Variants in SLC10A7 observed in about 807,000 individuals in gnomAD.
SLC10A7 encodes the protein sodium/bile acid cotransporter 7.
Under a neutral mutation model 43.2 loss-of-function variants are expected in SLC10A7, and 29 were observed. The observed-to-expected ratio is 0.67, with a 90% CI of 0.50 to 0.92. SLC10A7 has a LOEUF of 0.92. Among genes scored for constraint, SLC10A7 ranks in the 40% least tolerant of loss-of-function variants. The pLI, the probability that SLC10A7 is intolerant of heterozygous loss-of-function variation, is 0.00. For synonymous variants in SLC10A7, 152 were observed against 144.8 expected (o/e 1.05, Z -0.35); for missense variants, 295 against 403.2 (o/e 0.73, Z 2.30).
chr4:146,302,260 G>A (rs1731211504), intron 7 of SLC10A7, among the ~76,000 whole-genome samples: 1 of 152,166 alleles, frequency 6.6e-6, no homozygotes, highest in Non-Finnish European at 1.5e-5. Flanking sequence ...ACTGTGTGGA[G>A]ATGAGAAGTA....
At chr4:146,423,688 TAAAGGAATA>T (rs1217373497) in intron 5 of SLC10A7, among the ~76,000 whole-genome samples, 1 of 152,226 alleles carries the variant, frequency 6.6e-6, no homozygotes, top group African/African-American at 2.4e-5. Flanking sequence ...TCAATAGCCC[TAAAGGAATA>T]AATGAGAAAA....
intron 4 of SLC10A7, among the ~76,000 whole-genome samples, chr4:146,448,078 G>A (rs529340048): frequency 2.0e-5 from 3 of 151,996 alleles, no homozygotes; most frequent in Non-Finnish European, 4.4e-5. Flanking sequence ...GGGGTGGGGG[G>A]AGCGGTGAGG....
At chr4:146,413,212 A>C (rs1404077066) in intron 5 of SLC10A7, among the ~76,000 whole-genome samples, 2 of 152,136 alleles carry the variant, frequency 1.3e-5, no homozygotes, top group African/African-American at 2.4e-5. Context: ...CAAAGATGAT[A>C]CCTTTAAGAT....
rs867592203 is a variant in SLC10A7, at chr4:146,351,642, C to T, written c.436-25646G>A. 4.6e-3 allele frequency among the ~76,000 whole-genome samples: 700 copies of T among 152,116 alleles called. 5 individuals carry two copies. The highest frequency in any genetic ancestry group is 0.016 in the African/African-American group (675 of 41,446). On this transcript the variant is annotated intron_variant, in intron 5 of 11. Transcript: ENST00000335472. Reference sequence around the variant, plus strand: ...GTTAAGGGCAGCCAGAGAGGAAGGTCGGGTTACCCTCAAAGGGAAGCCCAT... The same window carrying T: ...GTTAAGGGCAGCCAGAGAGGAAGGTTGGGTTACCCTCAAAGGGAAGCCCAT...
chr4:146,428,549 C>CTT (rs11306173), intron 5 of SLC10A7, among the ~76,000 whole-genome samples: 10 of 145,262 alleles, frequency 6.9e-5, no homozygotes, highest in Admixed American at 4.8e-4. Flanking sequence ...CACCTTGGCT[C>CTT]TTTTTTTTTT....
At chr4:146,351,586 G>A (rs1451977412) in intron 5 of SLC10A7, among the ~76,000 whole-genome samples, 5 of 151,832 alleles carry the variant, frequency 3.3e-5, no homozygotes, top group African/African-American at 9.7e-5. Context: ...ATAATTGTCA[G>A]ATTCACCAAA....
rs183337076 is a variant in SLC10A7 at position 146,463,808 on chromosome 4, A to C, written c.397-20987T>G. 4.2e-3 allele frequency among the ~76,000 whole-genome samples: 634 copies of C among 150,958 alleles called. 5 individuals are homozygous for C. Among genetic ancestry groups the C allele is most frequent in the Middle Eastern group, 0.017 (5 of 288 alleles). On this transcript the variant is annotated intron_variant, in intron 4 of 11. Transcript: ENST00000335472. ...TAGCTAAAAAGATTTTCATCATACC[A>C]TTATTTCCTTTTTTTTTTCTTTTTT...
chr4:146,285,468 T>C (rs1334134164), intron 9 of SLC10A7, among the ~76,000 whole-genome samples: 1 of 152,220 alleles, frequency 6.6e-6, no homozygotes, highest in South Asian at 2.1e-4. Context: ...CAGGCCATCC[T>C]TTTTCTCATA....
At chr4:146,308,257 G>A (rs1282972291) in intron 6 of SLC10A7, among the ~76,000 whole-genome samples, 1 of 152,136 alleles carries the variant, frequency 6.6e-6, no homozygotes, top group Non-Finnish European at 1.5e-5. Flanking sequence ...CCTTAGAAGT[G>A]GCTCTGAAAG....
chr4:146,442,123 C>T (rs1730648178), intron 5 of SLC10A7: 1 of 972,186 alleles, frequency 1.0e-6, no homozygotes, highest in African/African-American at 1.8e-5. Context: ...CTCAATCTTT[C>T]ATAACACAAA....
chr4:146,417,986 C>A (rs1728692456), intron 5 of SLC10A7, among the ~76,000 whole-genome samples: 1 of 148,312 alleles, frequency 6.7e-6, no homozygotes, highest in Non-Finnish European at 1.5e-5. Flanking sequence ...GAGTTCTGAA[C>A]AGACAATATC....
chr4:146,329,136 G>T (rs1017102968), intron 5 of SLC10A7, among the ~76,000 whole-genome samples: 1 of 152,164 alleles, frequency 6.6e-6, no homozygotes, highest in Non-Finnish European at 1.5e-5. Context: ...TATAACATTT[G>T]TTCCCAAAAT....
intron 5 of SLC10A7, among the ~76,000 whole-genome samples, chr4:146,353,535 T>C (rs1328169773): frequency 3.9e-5 from 2 of 50,672 alleles, no homozygotes; most frequent in Non-Finnish European, 6.9e-5. Context: ...TAACTCATTT[T>C]ATGAGGCCAG....
chr4:146,383,529 C>T (rs139249296), intron 5 of SLC10A7, among the ~76,000 whole-genome samples: 51 of 152,258 alleles, frequency 3.3e-4, no homozygotes, highest in African/African-American at 1.2e-3. Context: ...TGTAACCAGG[C>T]CATTGAGCCG....
chr4:146,501,840 C>A lies in SLC10A7; in HGVS notation c.396+2009G>T, dbSNP rs184807678. ...AGCCATTCTTGACCCCTCTTTTTCT[C>A]TCACACCCCACATCTAATTCATCAG... On this transcript the variant is annotated intron_variant, in intron 4 of 11. Transcript: ENST00000335472. 2.6e-3 allele frequency among the ~76,000 whole-genome samples: 403 copies of A among 152,264 alleles called. 4 individuals carry two copies. The highest frequency in any genetic ancestry group is 9.5e-3 in the African/African-American group (394 of 41,550).
intron 6 of SLC10A7, among the ~76,000 whole-genome samples, chr4:146,309,413 AAC>A (rs1731807764): frequency 1.3e-5 from 2 of 152,154 alleles, no homozygotes; most frequent in South Asian, 2.1e-4. Flanking sequence ...GGCTTGTTAA[AAC>A]ACAGACTGAT....
chr4:146,284,646 C>T (rs1256758653), intron 9 of SLC10A7, among the ~76,000 whole-genome samples: 3 of 152,170 alleles, frequency 2.0e-5, no homozygotes, highest in Non-Finnish European at 4.4e-5. Flanking sequence ...GTTGAGGATT[C>T]CCCATGGATG....
At chr4:146,421,770 T>C (rs1199224636) in intron 5 of SLC10A7, among the ~76,000 whole-genome samples, 1 of 152,266 alleles carries the variant, frequency 6.6e-6, no homozygotes, top group Non-Finnish European at 1.5e-5. Context: ...GCATGGTCCC[T>C]GCCCTTACTG....
rs190125557 is a variant in SLC10A7 at position 146,260,654 on chromosome 4, T to A, written c.848-1817A>T. Among the ~76,000 whole-genome samples, 11 of 152,220 alleles carry A rather than the reference T, an allele frequency of 7.2e-5. No homozygotes were observed. In the East Asian group the frequency reaches 2.1e-3, roughly 29 times the overall value. ...TTGATGAGGAAACTGAAGCACCTAG[T>A]GGTCAGGAAAATTTCTTAGTGGTAG... On this transcript the variant is annotated intron_variant, in intron 10 of 11. Transcript: ENST00000335472.
Sources: allele counts gnomAD v4.1 joint callset (sites outside exome capture counted in the v4.1 genomes callset), GRCh38; gene constraint gnomAD v4.1.1; transcripts MANE v1.5; gene names NCBI Gene and HGNC (gene_info 2026-07-23, HGNC 2026-07-21).